The following GHR variants were observed in gnomAD, a reference collection of about 807,000 sequenced individuals.
The protein encoded by GHR is growth hormone receptor.
A neutral mutation model predicts 67.1 loss-of-function variants in GHR; 35 were observed. The observed-to-expected ratio is 0.52, with a 90% confidence interval of 0.40 to 0.69. The LOEUF (loss-of-function observed/expected upper bound fraction) is 0.69. Ranked by LOEUF, GHR falls within the 30% of genes least tolerant of loss-of-function variation. The pLI, the probability that GHR is intolerant of heterozygous loss-of-function variation, is 0.00. For missense variants in GHR, 792 were observed against 764.6 expected (o/e 1.04, Z -0.42); for synonymous variants, 272 against 269.1 (o/e 1.01, Z -0.10).
chr5:42,635,986 G>A (rs948482951), intron 3 of GHR, among the ~76,000 whole-genome samples: 8 of 151,884 alleles, frequency 5.3e-5, no homozygotes, highest in South Asian at 2.1e-4. Flanking sequence ...CGAGGTGGGC[G>A]GATCACGAGG....
intron 1 of GHR, among the ~76,000 whole-genome samples, chr5:42,525,486 A>G (rs1747667688): frequency 6.6e-6 from 1 of 152,242 alleles, no homozygotes; most frequent in Non-Finnish European, 1.5e-5. Context: ...TTACAGGCTT[A>G]TAGGCAGAAA....
chr5:42,680,624 C>G lies in GHR; in HGVS notation c.137-8266C>G, dbSNP rs561017392. On this transcript the variant is annotated intron_variant, in intron 3 of 9. Coordinates refer to ENST00000230882, the MANE Select transcript of GHR (RefSeq NM_000163.5). Reference sequence around the variant, plus strand: ...GTTCAAGTGATTCTTGTGCCTCAGCCTCTCTGAGTAGCTGGGATTACAGGT... The same window carrying G: ...GTTCAAGTGATTCTTGTGCCTCAGCGTCTCTGAGTAGCTGGGATTACAGGT... Among the ~76,000 whole-genome samples, 9 of 152,116 alleles carry G rather than the reference C, an allele frequency of 5.9e-5. No homozygotes were observed. In the South Asian group the frequency reaches 1.9e-3, roughly 32 times the overall value.
intron 3 of GHR, among the ~76,000 whole-genome samples, chr5:42,632,783 A>G (rs1351576269): frequency 6.6e-6 from 1 of 152,258 alleles, no homozygotes; most frequent in Non-Finnish European, 1.5e-5. Context: ...TAGGATAAGA[A>G]GAATGTTAAG....
intron 2 of GHR, among the ~76,000 whole-genome samples, chr5:42,580,965 GTATTCCT>G (rs1561140911): frequency 3.9e-5 from 6 of 152,106 alleles, no homozygotes; most frequent in African/African-American, 7.2e-5. Context: ...TTCATCTTTC[GTATTCCT>G]TGAAAATTAC....
At chr5:42,620,032 C>A (rs530506188) in intron 2 of GHR, among the ~76,000 whole-genome samples, 6 of 152,246 alleles carry the variant, frequency 3.9e-5, no homozygotes, top group African/African-American at 1.4e-4. Flanking sequence ...AATGCATTCA[C>A]GCGGGTGACA....
chr5:42,550,820 C>G (rs1183393796), intron 1 of GHR, among the ~76,000 whole-genome samples: 2 of 152,068 alleles, frequency 1.3e-5, no homozygotes, highest in African/African-American at 4.8e-5. Context: ...TCAGGTGGAG[C>G]CCAGGCAGAA....
intron 3 of GHR, among the ~76,000 whole-genome samples, chr5:42,665,752 TAAAAGAAAAA>T (rs201664101): frequency 0.027 from 4,074 of 150,430 alleles, 77 homozygotes; most frequent in Middle Eastern, 0.041. Context: ...ATAATAATAA[TAAAAGAAAAA>T]AAAAGAAAAA....
chr5:42,652,074 A>T (rs552526610), intron 3 of GHR, among the ~76,000 whole-genome samples: 1 of 152,312 alleles, frequency 6.6e-6, no homozygotes, highest in South Asian at 2.1e-4. Flanking sequence ...TCAAAAGTAT[A>T]ATCTGATACA....
At chr5:42,604,967 T>A (rs1752555364) in intron 2 of GHR, among the ~76,000 whole-genome samples, 2 of 152,050 alleles carry the variant, frequency 1.3e-5, no homozygotes, top group African/African-American at 4.8e-5. Context: ...TTCTTTATTT[T>A]CCTTGACTAC....
chr5:42,560,772 C>T (rs977149933), intron 1 of GHR, among the ~76,000 whole-genome samples: 7 of 152,198 alleles, frequency 4.6e-5, no homozygotes, highest in Admixed American at 4.6e-4. Flanking sequence ...ATCCCCAAAT[C>T]CTGATTTCTT....
chr5:42,579,918 T>A (rs558733499), intron 2 of GHR, among the ~76,000 whole-genome samples: 64 of 151,290 alleles, frequency 4.2e-4, no homozygotes, highest in Middle Eastern at 3.4e-3. Flanking sequence ...TTTTTTTTTT[T>A]AAAATCATTA....
At chr5:42,465,395 G>A in intron 1 of GHR, 3 of 1,283,382 alleles carry the variant, frequency 2.3e-6, no homozygotes, top group East Asian at 2.3e-5. Context: ...GATTGAAGAG[G>A]TTTCTACTTT....
intron 1 of GHR, among the ~76,000 whole-genome samples, chr5:42,547,849 C>T (rs1282472258): frequency 7.5e-6 from 1 of 132,768 alleles, no homozygotes; most frequent in Non-Finnish European, 1.6e-5. Flanking sequence ...TTAATTTCTT[C>T]ATTTACAAGA....
intron 3 of GHR, chr5:42,647,552 C>T (rs927890205): frequency 3.1e-5 from 11 of 356,466 alleles, no homozygotes; most frequent in East Asian, 1.8e-4. Context: ...CCAGCCTGGG[C>T]GACAGAGCAA....
intron 1 of GHR, among the ~76,000 whole-genome samples, chr5:42,446,881 T>C (rs1743827608): frequency 6.6e-6 from 1 of 152,206 alleles, no homozygotes; most frequent in Admixed American, 6.5e-5. Flanking sequence ...CTTTGTCACA[T>C]GCAGTCAAGA....
At chr5:42,663,743 A>C (rs993373882) in intron 3 of GHR, among the ~76,000 whole-genome samples, 4 of 152,236 alleles carry the variant, frequency 2.6e-5, no homozygotes, top group African/African-American at 9.6e-5. Flanking sequence ...AGTTCTGGCC[A>C]GGGCAATTAC....
intron 1 of GHR, among the ~76,000 whole-genome samples, chr5:42,425,649 C>G (rs2111859872): frequency 6.6e-6 from 1 of 152,302 alleles, no homozygotes; most frequent in African/African-American, 2.4e-5. Flanking sequence ...CTACAGCTTC[C>G]CTTCTGGGCC....
intron 3 of GHR, among the ~76,000 whole-genome samples, chr5:42,686,975 C>A (rs2111641107): frequency 6.6e-6 from 1 of 152,312 alleles, no homozygotes; most frequent in South Asian, 2.1e-4. Flanking sequence ...GCAACTTCAG[C>A]AAAGTCTCAG....
At chr5:42,535,622 C>G (rs924609901) in intron 1 of GHR, among the ~76,000 whole-genome samples, 5 of 151,864 alleles carry the variant, frequency 3.3e-5, no homozygotes, top group African/African-American at 9.7e-5. Flanking sequence ...TTCCTTATTT[C>G]TTGCTTTGGA....
Sources: gnomAD v4.1 joint callset for allele counts (sites outside exome capture counted in the v4.1 genomes callset) on GRCh38, gnomAD v4.1.1 for gene constraint, MANE v1.5 for transcripts, NCBI Gene and HGNC (gene_info 2026-07-23, HGNC 2026-07-21) for gene names.